GPR39: variants seen among roughly 807,000 people sequenced by gnomAD.
GPR39 encodes zinc sensing receptor.
In GPR39, 23 loss-of-function variants were observed where a neutral mutation model predicts 18.4. The ratio of observed to expected loss-of-function variants is 1.25; its 90% confidence interval spans 0.90 to 1.77. The LOEUF is 1.77. GPR39 is among the 40% of genes most tolerant of loss of function. The probability of loss-of-function intolerance (pLI) is 0.00; values close to 1 mark genes in which losing one functional copy is unlikely to be tolerated. For synonymous variants in GPR39, 280 were observed against 257.9 expected (o/e 1.09, Z -0.82); for missense variants, 647 against 602.4 (o/e 1.07, Z -0.78).
At chr2:132,618,182 T>C (rs1681372531) in intron 1 of GPR39, among the ~76,000 whole-genome samples, 1 of 152,186 alleles carries the variant, frequency 6.6e-6, no homozygotes, top group Admixed American at 6.5e-5. Flanking sequence ...TTCCCTAAGT[T>C]AAGTGTGTGT....
chr2:132,645,648 C>G lies in GPR39; in HGVS notation c.*42C>G. On this transcript the variant is annotated 3_prime_UTR_variant, in exon 2 of 2. Transcript: ENST00000329321. ...CCTTGAGTGGGAACTGGCCCTCCAG[C>G]CCTAAGAAAACGTCACTCTCACTCT... The G allele has an allele frequency of 6.4e-7, 1 of 1,573,362 alleles. No homozygotes were observed. Among genetic ancestry groups the G allele is most frequent in the Non-Finnish European group, 8.6e-7 (1 of 1,161,684 alleles).
chr2:132,428,509 T>C (rs900799545), intron 1 of GPR39, among the ~76,000 whole-genome samples: 2 of 152,204 alleles, frequency 1.3e-5, no homozygotes, highest in African/African-American at 4.8e-5. Flanking sequence ...TAACTGGGCT[T>C]CACTCCAGAG....
rs766990190 is a variant in GPR39 at position 132,417,029 on chromosome 2, T to C, written c.-14T>C. On this transcript the variant is annotated 5_prime_UTR_variant, in exon 1 of 2. Coordinates refer to ENST00000329321, the MANE Select transcript of GPR39 (RefSeq NM_001508.3). The stretch of plus-strand genomic sequence containing the variant: ...GAGAAAGTCTTTGGACCTGGTAGCC[T>C]GGTGCTCTTTCTCATGGCTTCACCC... The C allele has an allele frequency of 1.9e-6, 3 of 1,610,550 alleles. No individual in the cohort carries two copies. Among genetic ancestry groups the C allele is most frequent in the Admixed American group, 1.7e-5 (1 of 59,940 alleles).
intron 1 of GPR39, among the ~76,000 whole-genome samples, chr2:132,633,985 A>G (rs189392935): frequency 5.6e-5 from 8 of 144,090 alleles, no homozygotes; most frequent in African/African-American, 2.3e-4. Flanking sequence ...GTTGGTGTAG[A>G]GGTGGAGATG....
intron 1 of GPR39, among the ~76,000 whole-genome samples, chr2:132,572,865 C>T (rs2104816052): frequency 6.6e-6 from 1 of 152,314 alleles, no homozygotes; most frequent in South Asian, 2.1e-4. Flanking sequence ...AACCCTGAAT[C>T]ATTTCAGCCA....
At chr2:132,607,390 A>G (rs199674351) in intron 1 of GPR39, among the ~76,000 whole-genome samples, 3 of 152,310 alleles carry the variant, frequency 2.0e-5, no homozygotes, top group East Asian at 3.9e-4. Context: ...CTTAAGGAGT[A>G]TGAAATCCAG....
chr2:132,543,425 A>T (rs2104787606), intron 1 of GPR39, among the ~76,000 whole-genome samples: 1 of 152,266 alleles, frequency 6.6e-6, no homozygotes, highest in East Asian at 1.9e-4. Context: ...CATCTGATGT[A>T]AGCACTTGTG....
At chr2:132,428,746 G>A (rs1680173310) in intron 1 of GPR39, among the ~76,000 whole-genome samples, 1 of 152,202 alleles carries the variant, frequency 6.6e-6, no homozygotes, top group African/African-American at 2.4e-5. Flanking sequence ...AGGGTGAATT[G>A]GGAAGGACTA....
chr2:132,438,373 A>G (rs898778079), intron 1 of GPR39, among the ~76,000 whole-genome samples: 44 of 152,062 alleles, frequency 2.9e-4, no homozygotes, highest in African/African-American at 1.0e-3. Context: ...GGCTCAAGTG[A>G]TCCTCCTGTC....
At chr2:132,605,494 C>A (rs916780222) in intron 1 of GPR39, among the ~76,000 whole-genome samples, 2 of 152,158 alleles carry the variant, frequency 1.3e-5, no homozygotes, top group Non-Finnish European at 2.9e-5. Flanking sequence ...CCAGAAAGGT[C>A]CAGGGAACTC....
intron 1 of GPR39, among the ~76,000 whole-genome samples, chr2:132,474,277 G>A (rs1242966691): frequency 1.3e-5 from 2 of 152,156 alleles, no homozygotes; most frequent in Non-Finnish European, 2.9e-5. Flanking sequence ...CTTCCTCAAG[G>A]AAACCTAATC....
intron 1 of GPR39, among the ~76,000 whole-genome samples, chr2:132,447,383 G>A (rs796233315): frequency 2.0e-5 from 3 of 152,156 alleles, no homozygotes; most frequent in East Asian, 1.9e-4. Context: ...TATCAGGGGC[G>A]CTTTGTTGCT....
At chr2:132,450,711 A>T (rs4953979) in intron 1 of GPR39, among the ~76,000 whole-genome samples, 19 of 151,990 alleles carry the variant, frequency 1.3e-4, no homozygotes, top group Non-Finnish European at 2.2e-4. Flanking sequence ...AAGCTTTCTG[A>T]GTGGGGTTTG....
At chr2:132,465,779 C>T (rs1164217658) in intron 1 of GPR39, among the ~76,000 whole-genome samples, 1 of 152,150 alleles carries the variant, frequency 6.6e-6, no homozygotes, top group Non-Finnish European at 1.5e-5. Flanking sequence ...GCTTATATGA[C>T]CTCAGGAAGG....
chr2:132,437,486 G>T (rs1286421900), intron 1 of GPR39, among the ~76,000 whole-genome samples: 1 of 152,182 alleles, frequency 6.6e-6, no homozygotes, highest in East Asian at 1.9e-4. Context: ...GTAGGCCCTG[G>T]CTCTGCTCCC....
chr2:132,519,172 C>T (rs1178850098), intron 1 of GPR39, among the ~76,000 whole-genome samples: 2 of 152,010 alleles, frequency 1.3e-5, no homozygotes, highest in African/African-American at 2.4e-5. Flanking sequence ...GCTTATGGTC[C>T]CTGTCACCAT....
At chr2:132,604,537 A>C (rs186331688) in intron 1 of GPR39, 1 of 152,360 alleles carries the variant, frequency 6.6e-6, no homozygotes, top group Non-Finnish European at 1.5e-5. Flanking sequence ...TACTGCAGAC[A>C]AAAAGACGGT....
In GPR39 at chr2:132,556,387, T is replaced by C. The variant is rs1270443594; in HGVS notation, c.857-88714T>C. On this transcript the variant is annotated intron_variant, in intron 1 of 1. Transcript: ENST00000329321. The stretch of plus-strand genomic sequence containing the variant: ...CCCACCATGGCCAATTACCAATAGT[T>C]AACTAGCTCACAAAAATTCCTATTT... Among the ~76,000 whole-genome samples, 7 of 152,188 alleles carry C rather than the reference T, an allele frequency of 4.6e-5. No individual in the cohort carries two copies. In the East Asian group the frequency reaches 1.3e-3, roughly 29 times the overall value.
intron 1 of GPR39, among the ~76,000 whole-genome samples, chr2:132,637,450 G>C (rs536495248): frequency 6.6e-6 from 1 of 152,374 alleles, no homozygotes; most frequent in South Asian, 2.1e-4. Flanking sequence ...GCTGGAACAA[G>C]GATGAGACAT....
Sources: allele counts gnomAD v4.1 joint callset (sites outside exome capture counted in the v4.1 genomes callset), GRCh38; gene constraint gnomAD v4.1.1; transcripts MANE v1.5; gene names NCBI Gene and HGNC (gene_info 2026-07-23, HGNC 2026-07-21).